The following PPP2R3A variants were observed in gnomAD, a reference collection of about 807,000 sequenced individuals.
The protein encoded by PPP2R3A is protein phosphatase 2 regulatory subunit B''alpha, also known as serine/threonine-protein phosphatase 2A regulatory subunit B'' subunit alpha.
In PPP2R3A, 80 loss-of-function variants were observed where a neutral mutation model predicts 106.9. That is an observed-to-expected ratio of 0.75 (90% CI 0.62 to 0.90). PPP2R3A has a LOEUF of 0.90. Ranked by LOEUF, PPP2R3A falls within the 40% of genes least tolerant of loss-of-function variation. The probability of loss-of-function intolerance (pLI) is 0.00; values close to 1 mark genes in which losing one functional copy is unlikely to be tolerated. For missense variants in PPP2R3A, 1,386 were observed against 1,350.4 expected (o/e 1.03, Z -0.41); for synonymous variants, 483 against 468.3 (o/e 1.03, Z -0.41).
At chr3:135,989,305 A>G (rs9853577) in intron 1 of PPP2R3A, among the ~76,000 whole-genome samples, 35,142 of 152,028 alleles carry the variant, frequency 0.23, 4,871 homozygotes, top group Non-Finnish European at 0.32. Context: ...TACACCTTCT[A>G]TTAGAGCATA....
chr3:136,114,601 A>AG (rs1450627134), intron 13 of PPP2R3A, among the ~76,000 whole-genome samples: 3 of 152,114 alleles, frequency 2.0e-5, no homozygotes, highest in Non-Finnish European at 2.9e-5. Context: ...TGATGCAGGG[A>AG]GGGGGGTCCA....
At chr3:136,023,086 C>T in intron 2 of PPP2R3A, 1 of 1,613,202 alleles carries the variant, frequency 6.2e-7, no homozygotes, top group Non-Finnish European at 8.5e-7. Flanking sequence ...ATCAAGGAAA[C>T]ATCTCTACGA....
chr3:136,098,540 AT>A (rs1937274127), intron 10 of PPP2R3A, among the ~76,000 whole-genome samples: 1 of 152,182 alleles, frequency 6.6e-6, no homozygotes. Context: ...ACAAGTGGGA[AT>A]TTGAACAGCG....
rs111251286 is a variant in PPP2R3A, at chr3:135,993,413, G to T, written c.-440-7646G>T. Among the ~76,000 whole-genome samples, 13 of 152,338 alleles carry T rather than the reference G, an allele frequency of 8.5e-5. 1 individual carries two copies. Among genetic ancestry groups the T allele is most frequent in the African/African-American group, 2.9e-4 (12 of 41,584 alleles). On this transcript the variant is annotated intron_variant, in intron 1 of 13. Transcript: ENST00000264977. Reference sequence around the variant, plus strand: ...AAAATTTACAAGTATCTGAAAGGATGTAGAGCTACTAGAGCTCTCAAGTGC... The same window carrying T: ...AAAATTTACAAGTATCTGAAAGGATTTAGAGCTACTAGAGCTCTCAAGTGC...
At chr3:135,978,977 C>T (rs565221720) in intron 1 of PPP2R3A, among the ~76,000 whole-genome samples, 2 of 151,810 alleles carry the variant, frequency 1.3e-5, no homozygotes, top group Admixed American at 6.5e-5. Flanking sequence ...TTTAATGATA[C>T]GCTGATTTAA....
chr3:136,009,145 A>G (rs1236398850), intron 2 of PPP2R3A, among the ~76,000 whole-genome samples: 1 of 152,052 alleles, frequency 6.6e-6, no homozygotes, highest in African/African-American at 2.4e-5. Context: ...CCTTCCTATT[A>G]TAACTTAAAC....
At chr3:136,081,184 G>C (rs976347963) in intron 7 of PPP2R3A, among the ~76,000 whole-genome samples, 1 of 151,576 alleles carries the variant, frequency 6.6e-6, no homozygotes, top group African/African-American at 2.4e-5. Context: ...GTAGAGACGG[G>C]GTTTCACCAT....
intron 2 of PPP2R3A, among the ~76,000 whole-genome samples, chr3:136,016,551 T>C (rs900795782): frequency 2.6e-5 from 4 of 152,206 alleles, no homozygotes; most frequent in African/African-American, 9.6e-5. Flanking sequence ...CTAGTCCTTT[T>C]ATCATTATAT....
In PPP2R3A at chr3:136,001,142, G is replaced by GT. The variant is rs1933608127; in HGVS notation, c.-357_-356insT. The stretch of plus-strand genomic sequence containing the variant: ...ACAATACTTCTCTACTACCAACTAA[G>GT]ATTTATGATAGTAAATTTATGAGAG... On this transcript the variant is annotated 5_prime_UTR_variant, in exon 2 of 14. Coordinates refer to ENST00000264977, the MANE Select transcript of PPP2R3A (RefSeq NM_002718.5). 1 of 406,742 alleles carries GT rather than the reference G, an allele frequency of 2.5e-6. No homozygotes were observed. Among genetic ancestry groups the GT allele is most frequent in the Admixed American group, 4.2e-5 (1 of 23,756 alleles). The allele number at this position is 406,742 out of a possible 1,614,324, so 25.2% of individuals were successfully genotyped here. A position where few individuals can be genotyped will look rare whatever the true frequency, so the allele number is the denominator to read the frequency against.
At position 135,972,535 on chromosome 3, in the gene PPP2R3A, C is replaced by T. The variant is rs147112130; in HGVS notation, c.-441+6686C>T. The stretch of plus-strand genomic sequence containing the variant: ...CTATGTTTAAAAAGTTTTTGAGGAA[C>T]TCCCAGACTGTTTTCCACAGATGCT... On this transcript the variant is annotated intron_variant, in intron 1 of 13. Coordinates refer to ENST00000264977, the MANE Select transcript of PPP2R3A (RefSeq NM_002718.5). 1.5e-3 allele frequency among the ~76,000 whole-genome samples: 229 copies of T among 152,264 alleles called. 1 individual carries two copies. The highest frequency in any genetic ancestry group is 5.4e-3 in the African/African-American group (223 of 41,558).
intron 1 of PPP2R3A, among the ~76,000 whole-genome samples, chr3:135,987,569 A>G (rs557638199): frequency 2.4e-4 from 37 of 152,288 alleles, no homozygotes; most frequent in African/African-American, 8.9e-4. Context: ...CCTTGAAAAG[A>G]TAGTCTAGAA....
chr3:136,144,354 CTG>C (rs1404718409), intron 13 of PPP2R3A, among the ~76,000 whole-genome samples: 4 of 152,160 alleles, frequency 2.6e-5, no homozygotes, highest in Non-Finnish European at 4.4e-5. Context: ...ATAAAGCAAT[CTG>C]AGAGTTGAGA....
At chr3:136,085,047 C>T (rs940784987) in intron 8 of PPP2R3A, among the ~76,000 whole-genome samples, 12 of 151,996 alleles carry the variant, frequency 7.9e-5, no homozygotes, top group South Asian at 2.1e-4. Flanking sequence ...GGGACTGTTG[C>T]GAAGGCATGA....
At chr3:136,032,458 C>G (rs1449004117) in intron 3 of PPP2R3A, among the ~76,000 whole-genome samples, 1 of 150,352 alleles carries the variant, frequency 6.7e-6, no homozygotes, top group Non-Finnish European at 1.5e-5. Flanking sequence ...TCTGGGTAAA[C>G]GATCATATCA....
intron 8 of PPP2R3A, among the ~76,000 whole-genome samples, chr3:136,083,515 T>G (rs1318858315): frequency 6.6e-6 from 1 of 152,204 alleles, no homozygotes; most frequent in African/African-American, 2.4e-5. Context: ...CTTCCCATTA[T>G]AAATTACCCA....
chr3:136,138,343 A>G (rs1938706151), intron 13 of PPP2R3A, among the ~76,000 whole-genome samples: 1 of 152,186 alleles, frequency 6.6e-6, no homozygotes, highest in African/African-American at 2.4e-5. Flanking sequence ...TTTAGCCCAC[A>G]TTTTTATGCT....
chr3:136,107,838 GT>G (rs1232533905), intron 13 of PPP2R3A, among the ~76,000 whole-genome samples: 3 of 152,050 alleles, frequency 2.0e-5, no homozygotes, highest in Non-Finnish European at 4.4e-5. Flanking sequence ...TGATTTAAAG[GT>G]TTTTTTGGCA....
chr3:136,084,432 T>C, intron 8 of PPP2R3A, among the ~76,000 whole-genome samples: 1 of 152,196 alleles, frequency 6.6e-6, no homozygotes, highest in Admixed American at 6.5e-5. Flanking sequence ...AACACCTGGA[T>C]GTCCAGGCAG....
intron 10 of PPP2R3A, among the ~76,000 whole-genome samples, chr3:136,096,208 C>T (rs1035820056): frequency 1.3e-5 from 2 of 152,126 alleles, no homozygotes; most frequent in Non-Finnish European, 2.9e-5. Context: ...CTAAGTCAAA[C>T]CATCATAAGT....
Sources: gnomAD v4.1 joint callset for allele counts (sites outside exome capture counted in the v4.1 genomes callset) on GRCh38, gnomAD v4.1.1 for gene constraint, MANE v1.5 for transcripts, NCBI Gene and HGNC (gene_info 2026-07-23, HGNC 2026-07-21) for gene names.